Variants in PLXNA2 observed in about 807,000 individuals in gnomAD.
The protein encoded by PLXNA2 is plexin-A2.
A neutral mutation model predicts 193.5 loss-of-function variants in PLXNA2; 91 were observed. That is an observed-to-expected ratio of 0.47 (90% confidence interval 0.40 to 0.56). The LOEUF (loss-of-function observed/expected upper bound fraction) is 0.56. Ranked by LOEUF, PLXNA2 falls within the 20% of genes least tolerant of loss-of-function variation. PLXNA2 has a pLI of 0.00. For synonymous variants in PLXNA2, 997 were observed against 1,027.3 expected (o/e 0.97, Z 0.56); for missense variants, 1,995 against 2,503.2 (o/e 0.80, Z 4.33).
At chr1:208,106,526 A>G (rs1458429658) in intron 4 of PLXNA2, among the ~76,000 whole-genome samples, 24 of 152,244 alleles carry the variant, frequency 1.6e-4, no homozygotes, top group Non-Finnish European at 1.5e-5. Context: ...TGCCCAGTAC[A>G]ATAGCCACTA....
intron 3 of PLXNA2, among the ~76,000 whole-genome samples, chr1:208,150,935 T>C (rs1314187899): frequency 1.3e-5 from 2 of 152,174 alleles, no homozygotes; most frequent in East Asian, 3.9e-4. Context: ...AGAGGTGAAT[T>C]ACACTGGGTG....
At chr1:208,096,912 A>G (rs368684245) in intron 6 of PLXNA2, 29 bp from the exon 7 acceptor site, 2 of 1,601,336 alleles carry the variant, frequency 1.2e-6, no homozygotes, top group South Asian at 1.1e-5. Flanking sequence ...GATGATGCCA[A>G]AGAAATGCCT....
intron 1 of PLXNA2, among the ~76,000 whole-genome samples, chr1:208,218,605 C>T (rs1671223075): frequency 6.6e-6 from 1 of 152,192 alleles, no homozygotes. Context: ...CCTGCTCTGC[C>T]CTCAGCCCTT....
chr1:208,065,073 C>G (rs1665746901), intron 12 of PLXNA2, among the ~76,000 whole-genome samples: 1 of 152,036 alleles, frequency 6.6e-6, no homozygotes, highest in African/African-American at 2.4e-5. Flanking sequence ...TTAAGCAAGT[C>G]CTTCTAGATC....
At chr1:208,036,597 G>C (rs140051659) in intron 26 of PLXNA2, among the ~76,000 whole-genome samples, 112 of 152,344 alleles carry the variant, frequency 7.4e-4, no homozygotes, top group African/African-American at 2.7e-3. Context: ...CACGCAGTAA[G>C]TGTTGGTATT....
intron 2 of PLXNA2, among the ~76,000 whole-genome samples, chr1:208,215,312 G>A (rs1329634177): frequency 1.3e-5 from 2 of 152,154 alleles, no homozygotes; most frequent in Non-Finnish European, 2.9e-5. Flanking sequence ...GTCTTTTTAT[G>A]TTTGCAACCC....
chr1:208,184,436 C>A (rs570390334), intron 3 of PLXNA2, among the ~76,000 whole-genome samples: 3,665 of 150,608 alleles, frequency 0.024, 153 homozygotes, highest in African/African-American at 0.084. Flanking sequence ...AAAAAAAAAA[C>A]CAAGGAAAGT....
At position 208,216,835 on chromosome 1, in the gene PLXNA2, A is replaced by G. The variant is rs763255585; in HGVS notation, c.1088T>C (p.Ile363Thr). ...CAGGCGCTCCTTGATCTGCAAGTTG[A>G]TGGCCCGGATAGGGAAGGCACACAG... ...SALCAFPIRA[I>T]NLQIKERLQS... The change falls in exon 2 of 32, where the codon ATC (isoleucine) becomes ACC (threonine). Residue 363 changes from isoleucine to threonine, a missense_variant. Ile to Thr is a moderately conservative substitution (Grantham distance 89). Coordinates refer to ENST00000367033, the MANE Select transcript of PLXNA2 (RefSeq NM_025179.4). 3 of 1,614,202 alleles carry G rather than the reference A, an allele frequency of 1.9e-6. No homozygotes were observed. The highest frequency in any genetic ancestry group is 1.3e-5 in the African/African-American group (1 of 75,062).
chr1:208,179,621 G>A (rs1411174613), intron 3 of PLXNA2, among the ~76,000 whole-genome samples: 2 of 152,218 alleles, frequency 1.3e-5, no homozygotes, highest in Admixed American at 6.5e-5. Flanking sequence ...TCCACAGGGT[G>A]GGGCAGATGA....
rs114039421 is a variant in PLXNA2, at chr1:208,071,491, G to A, written c.2586+7769C>T. On this transcript the variant is annotated intron_variant, in intron 12 of 31. Coordinates refer to ENST00000367033, the MANE Select transcript of PLXNA2 (RefSeq NM_025179.4). ...GCTGGGTCTGAGAAAGCAAATTGTG[G>A]CATTCTTTTCCACTTGAAGTGTATG... Among the ~76,000 whole-genome samples, 1,158 of 152,256 alleles carry A rather than the reference G, an allele frequency of 7.6e-3. 17 individuals are homozygous for A. Among genetic ancestry groups the A allele is most frequent in the African/African-American group, 0.027 (1,109 of 41,542 alleles).
At chr1:208,096,529 C>A (rs894421166) in intron 7 of PLXNA2, among the ~76,000 whole-genome samples, 13 of 152,218 alleles carry the variant, frequency 8.5e-5, no homozygotes, top group South Asian at 2.1e-4. Context: ...TTCTGTGCAG[C>A]CTTAACTCAA....
intron 3 of PLXNA2, 194 bp downstream of exon 3, chr1:208,210,086 A>G: frequency 1.7e-6 from 1 of 585,600 alleles, no homozygotes; most frequent in African/African-American, 1.9e-5. Flanking sequence ...TACATACCCA[A>G]TGACTGATGG....
intron 3 of PLXNA2, among the ~76,000 whole-genome samples, chr1:208,183,652 T>A (rs1669913863): frequency 6.6e-6 from 1 of 152,040 alleles, no homozygotes; most frequent in South Asian, 2.1e-4. Flanking sequence ...GCCCCACTCC[T>A]GCTTATCTAC....
chr1:208,197,257 G>A (rs973316101), intron 3 of PLXNA2, among the ~76,000 whole-genome samples: 5 of 152,160 alleles, frequency 3.3e-5, no homozygotes, highest in Non-Finnish European at 7.3e-5. Context: ...GTGCCAACTG[G>A]TATAAATTAT....
chr1:208,146,602 C>A (rs1199316786), intron 3 of PLXNA2, among the ~76,000 whole-genome samples: 1 of 152,168 alleles, frequency 6.6e-6, no homozygotes, highest in Non-Finnish European at 1.5e-5. Flanking sequence ...TGTCCTCTGT[C>A]TTTGCCAGAA....
At chr1:208,069,033 C>A (rs1407193419) in intron 12 of PLXNA2, among the ~76,000 whole-genome samples, 1 of 152,198 alleles carries the variant, frequency 6.6e-6, no homozygotes, top group Non-Finnish European at 1.5e-5. Context: ...CAGCCCTAAA[C>A]CCTGCCCCAG....
chr1:208,153,271 C>T (rs546969190), intron 3 of PLXNA2, among the ~76,000 whole-genome samples: 34 of 152,218 alleles, frequency 2.2e-4, no homozygotes, highest in Admixed American at 9.8e-4. Flanking sequence ...ATGGGGTAGG[C>T]GCTACTATTA....
intron 13 of PLXNA2, among the ~76,000 whole-genome samples, chr1:208,054,992 G>A (rs954462459): frequency 2.6e-5 from 4 of 152,308 alleles, no homozygotes; most frequent in African/African-American, 9.6e-5. Context: ...TTGCCAAGCC[G>A]ATTCAGTTGT....
intron 3 of PLXNA2, among the ~76,000 whole-genome samples, chr1:208,157,018 G>A (rs1474361368): frequency 6.6e-6 from 1 of 152,168 alleles, no homozygotes; most frequent in Non-Finnish European, 1.5e-5. Context: ...ACAAGAAATT[G>A]CCATATAAAA....
Sources: gnomAD v4.1 joint callset for allele counts (sites outside exome capture counted in the v4.1 genomes callset) on GRCh38, gnomAD v4.1.1 for gene constraint, MANE v1.5 for transcripts, NCBI Gene and HGNC (gene_info 2026-07-23, HGNC 2026-07-21) for gene names.